The following NACC2 variants were observed in gnomAD, a reference collection of about 807,000 sequenced individuals.
NACC2 encodes NACC family member 2.
In NACC2, 8 loss-of-function variants were observed where a neutral mutation model predicts 25.1. That is an observed-to-expected ratio of 0.32 (90% confidence interval 0.19 to 0.57). The LOEUF is 0.57. Ranked by LOEUF, NACC2 falls within the 20% of genes least tolerant of loss-of-function variation. The pLI is 0.89. For synonymous variants in NACC2, 435 were observed against 294.7 expected (o/e 1.48, Z -4.88); for missense variants, 644 against 650.2 (o/e 0.99, Z 0.10).
At chr9:136,063,024 A>G (rs752054450) in intron 1 of NACC2, among the ~76,000 whole-genome samples, 3 of 152,242 alleles carry the variant, frequency 2.0e-5, no homozygotes, top group Admixed American at 1.3e-4. Flanking sequence ...CCCCAAGAGA[A>G]GAAGCCCGAC....
At chr9:136,087,391 C>T (rs530200625) in intron 1 of NACC2, among the ~76,000 whole-genome samples, 1 of 152,310 alleles carries the variant, frequency 6.6e-6, no homozygotes, top group African/African-American at 2.4e-5. Flanking sequence ...CTCCTCCTGG[C>T]CTGTCACCTG....
At chr9:136,042,743 CACAGAG>C (rs1358506172) in intron 2 of NACC2, among the ~76,000 whole-genome samples, 4 of 150,662 alleles carry the variant, frequency 2.7e-5, no homozygotes, top group Non-Finnish European at 5.9e-5. Context: ...CACACACAGA[CACAGAG>C]ACAGAGACAC....
intron 2 of NACC2, among the ~76,000 whole-genome samples, chr9:136,029,760 G>C (rs976949097): frequency 6.6e-6 from 1 of 152,182 alleles, no homozygotes; most frequent in South Asian, 2.1e-4. Context: ...CCAGTGCCTG[G>C]AGCTGCCCAC....
At chr9:136,087,209 G>A (rs938191936) in intron 1 of NACC2, among the ~76,000 whole-genome samples, 1 of 152,212 alleles carries the variant, frequency 6.6e-6, no homozygotes, top group Non-Finnish European at 1.5e-5. Flanking sequence ...AGCCTCTGGA[G>A]GAACCAGCCC....
chr9:136,092,665 C>T (rs188046968), intron 1 of NACC2, among the ~76,000 whole-genome samples: 178 of 152,320 alleles, frequency 1.2e-3, no homozygotes, highest in Middle Eastern at 6.8e-3. Context: ...ACATGTGCTA[C>T]CAAGGTGAAG....
At position 136,011,839 on chromosome 9, in the gene NACC2, G is replaced by A; in HGVS notation, c.1441C>T (p.Pro481Ser). 2 of 1,565,830 alleles carry A rather than the reference G, an allele frequency of 1.3e-6. No individual in the cohort carries two copies. The highest frequency in any genetic ancestry group is 2.3e-5 in the South Asian group (2 of 86,376). Reference protein sequence around the residue: ...GSAAASVPLDPEFPPAAAQVF... With the variant: ...GSAAASVPLDSEFPPAAAQVF... ...TGTGCCGCGGCAGGCGGGAACTCGG[G>A]GTCGAGGGGCACGCTGGCGGCGGCG... The change falls in exon 6 of 6, where the codon CCC (proline) becomes TCC (serine). Residue 481 changes from proline (P) to serine (S), a missense_variant. By Grantham distance (74) the Pro-to-Ser change is moderately conservative. Coordinates refer to ENST00000277554, the MANE Select transcript of NACC2 (RefSeq NM_144653.5).
intron 2 of NACC2, among the ~76,000 whole-genome samples, chr9:136,042,086 T>A (rs1458394388): frequency 6.6e-6 from 1 of 152,146 alleles, no homozygotes; most frequent in African/African-American, 2.4e-5. Flanking sequence ...CCTCCTGGGT[T>A]CAAGGGATTC....
chr9:136,062,703 C>T (rs1841029138), intron 1 of NACC2, among the ~76,000 whole-genome samples: 2 of 152,138 alleles, frequency 1.3e-5, no homozygotes, highest in African/African-American at 2.4e-5. Flanking sequence ...CTGCTTGAGC[C>T]CAGCAGTTCA....
At chr9:136,063,569 A>G (rs1045219880) in intron 1 of NACC2, among the ~76,000 whole-genome samples, 4 of 152,200 alleles carry the variant, frequency 2.6e-5, no homozygotes, top group Admixed American at 6.5e-5. Context: ...TGGGAAGGGT[A>G]TGCACAAACA....
chr9:136,050,868 C>T (rs999006537), intron 1 of NACC2, among the ~76,000 whole-genome samples: 6 of 152,110 alleles, frequency 3.9e-5, no homozygotes. Flanking sequence ...CTTAGCGACT[C>T]GGTCTCAGCA....
chr9:136,062,079 C>A (rs1841018362), intron 1 of NACC2, among the ~76,000 whole-genome samples: 1 of 151,604 alleles, frequency 6.6e-6, no homozygotes. Context: ...GAGATTGCAC[C>A]ACTGTACCTG....
chr9:136,021,646 G>A (rs997851265), intron 2 of NACC2, among the ~76,000 whole-genome samples: 3 of 152,212 alleles, frequency 2.0e-5, no homozygotes, highest in Non-Finnish European at 4.4e-5. Flanking sequence ...AAGACAGCCT[G>A]CACAGGAACG....
intron 1 of NACC2, among the ~76,000 whole-genome samples, chr9:136,061,768 T>C (rs1364950665): frequency 1.3e-5 from 2 of 151,776 alleles, no homozygotes; most frequent in East Asian, 3.9e-4. Context: ...ATGAAGCAGA[T>C]ACAGATACAG....
intron 2 of NACC2, among the ~76,000 whole-genome samples, chr9:136,023,076 G>GA (rs1840318875): frequency 1.9e-5 from 1 of 51,862 alleles, no homozygotes; most frequent in Non-Finnish European, 3.7e-5. Context: ...AAGAGGGAGG[G>GA]AGGAGGGAGG....
Position 136,018,023 on chromosome 9 carries a change from C to T in NACC2, c.887-1594G>A, listed in dbSNP as rs1021520785. Among the ~76,000 whole-genome samples, 3 of 152,002 alleles carry T rather than the reference C, an allele frequency of 2.0e-5. No homozygotes were observed. Among genetic ancestry groups the T allele is most frequent in the African/African-American group, 4.8e-5 (2 of 41,408 alleles). On this transcript the variant is annotated intron_variant, in intron 2 of 5. Coordinates refer to ENST00000277554, the MANE Select transcript of NACC2 (RefSeq NM_144653.5). The surrounding 1 kb of genome is among the most constrained non-coding windows in gnomAD (Gnocchi z 4.4). ...TGATGGGAAGTCCCCCGGTGGGGGG[C>T]GGGGGGCAGCTTGCAGGACCTGCTG...
chr9:136,019,694 A>G lies in NACC2; in HGVS notation c.887-3265T>C, dbSNP rs1840260221. ...GCAGCAGGGCCCAGCTACTGAGGGT[A>G]GGCAGGTGGGCAGCCTCCCTGGACC... is the stretch of plus-strand genomic sequence containing the variant. On this transcript the variant is annotated intron_variant, in intron 2 of 5. Transcript: ENST00000277554. The surrounding 1 kb of genome is among the most constrained non-coding windows in gnomAD (Gnocchi z 5.2). 6.6e-6 allele frequency among the ~76,000 whole-genome samples: 1 copy of G among 152,146 alleles called. No individual in the cohort carries two copies. The highest frequency in any genetic ancestry group is 2.1e-4 in the South Asian group (1 of 4,832).
intron 1 of NACC2, among the ~76,000 whole-genome samples, chr9:136,079,263 C>G (rs547826031): frequency 3.3e-5 from 5 of 152,302 alleles, no homozygotes; most frequent in African/African-American, 1.2e-4. Context: ...CAGGGAGAGG[C>G]AGGGCACTTG....
intron 2 of NACC2, among the ~76,000 whole-genome samples, chr9:136,030,946 C>A (rs1840463754): frequency 6.6e-6 from 1 of 152,138 alleles, no homozygotes; most frequent in Non-Finnish European, 1.5e-5. Context: ...CAGGAGTGAA[C>A]CACCGTGCCC....
intron 2 of NACC2, among the ~76,000 whole-genome samples, chr9:136,047,042 G>A (rs556883687): frequency 1.3e-5 from 2 of 152,278 alleles, no homozygotes; most frequent in Admixed American, 1.3e-4. Flanking sequence ...TCACTCAACA[G>A]GTAGGGAGAC....
Sources: allele counts gnomAD v4.1 joint callset (sites outside exome capture counted in the v4.1 genomes callset), GRCh38; gene constraint gnomAD v4.1.1; non-coding constraint Gnocchi (gnomAD v3.1); transcripts MANE v1.5; gene names NCBI Gene and HGNC (gene_info 2026-07-23, HGNC 2026-07-21).